Variants in LRP1B observed in about 807,000 individuals in gnomAD.
LRP1B encodes low-density lipoprotein receptor-related protein 1B.
In LRP1B, 217 loss-of-function variants were observed where a neutral mutation model predicts 556.6. The observed-to-expected ratio is 0.39, with a 90% CI of 0.35 to 0.44. The LOEUF (loss-of-function observed/expected upper bound fraction) is 0.44. Ranked by LOEUF, LRP1B falls within the 20% of genes least tolerant of loss-of-function variation. The pLI, the probability that LRP1B is intolerant of heterozygous loss-of-function variation, is 1.00. For synonymous variants in LRP1B, 2,047 were observed against 1,865.8 expected (o/e 1.10, Z -2.50); for missense variants, 5,053 against 5,620.8 (o/e 0.90, Z 3.23).
At chr2:141,094,666 T>A (rs1053694840) in intron 7 of LRP1B, among the ~76,000 whole-genome samples, 9 of 152,204 alleles carry the variant, frequency 5.9e-5, no homozygotes, top group Non-Finnish European at 1.2e-4. Flanking sequence ...CATTGCTAAA[T>A]TATGCATCAC....
intron 43 of LRP1B, among the ~76,000 whole-genome samples, chr2:140,561,339 G>GT (rs1368587032): frequency 6.6e-6 from 1 of 152,128 alleles, no homozygotes; most frequent in Non-Finnish European, 1.5e-5. Context: ...GCCTGGTTGA[G>GT]TTTTCTCACC....
chr2:141,797,146 CATATATATATATATATAT>C (rs6146945), intron 2 of LRP1B, among the ~76,000 whole-genome samples: 31 of 79,090 alleles, frequency 3.9e-4, no homozygotes, highest in Admixed American at 1.7e-3. Context: ...TGAAAATAAT[CATATATATATATATATAT>C]ATATATATAT....
intron 43 of LRP1B, among the ~76,000 whole-genome samples, chr2:140,574,457 G>T (rs1241835783): frequency 1.3e-5 from 2 of 152,052 alleles, no homozygotes; most frequent in African/African-American, 4.8e-5. Flanking sequence ...TTCTCCATTT[G>T]CTCAGGGAAA....
At chr2:141,335,326 A>T (rs1395183247) in intron 3 of LRP1B, among the ~76,000 whole-genome samples, 1 of 152,246 alleles carries the variant, frequency 6.6e-6, no homozygotes, top group African/African-American at 2.4e-5. Context: ...ACAGAAGTTC[A>T]TTAGGAAAGA....
rs138725634 is a variant in LRP1B at position 140,532,580 on chromosome 2, C to A, written c.7762+1441G>T. Among the ~76,000 whole-genome samples the A allele has an allele frequency of 7.2e-3, 1,098 of 151,526 alleles. 8 individuals carry two copies. The highest frequency in any genetic ancestry group is 0.035 in the East Asian group (176 of 5,100). On this transcript the variant is annotated intron_variant, in intron 47 of 90. Transcript: ENST00000389484. ...CCTGGCTAATTTTTGTATTTTTAGT[C>A]GAGATGGGGTTTCACCATGTTGACC...
rs1233220303 is a variant in LRP1B, at chr2:142,106,284, AAAGTT to A, written c.82+24359_82+24363del. On this transcript the variant is annotated intron_variant, in intron 1 of 90. Coordinates refer to ENST00000389484, the MANE Select transcript of LRP1B (RefSeq NM_018557.3). ...AATTGGATAATTTTTTAAAATCACA[AAAGTT>A]AAGTGACTTTGATTATTACTATTGT... is the stretch of plus-strand genomic sequence containing the variant. Among the ~76,000 whole-genome samples, 6 of 152,238 alleles carry A rather than the reference AAAGTT, an allele frequency of 3.9e-5. 1 individual carries two copies. The highest frequency in any genetic ancestry group is 8.8e-5 in the Non-Finnish European group (6 of 68,042).
At chr2:141,510,487 T>C (rs528431259) in intron 2 of LRP1B, among the ~76,000 whole-genome samples, 1 of 152,268 alleles carries the variant, frequency 6.6e-6, no homozygotes, top group East Asian at 1.9e-4. Flanking sequence ...ACAAATATTA[T>C]CGCACACCTT....
At chr2:141,516,768 G>A (rs1388516477) in intron 2 of LRP1B, among the ~76,000 whole-genome samples, 2 of 148,686 alleles carry the variant, frequency 1.3e-5, no homozygotes, top group Admixed American at 6.8e-5. Context: ...TGTGAACTAG[G>A]CTCACTGCAA....
chr2:141,027,568 C>G (rs1303296758), intron 11 of LRP1B, among the ~76,000 whole-genome samples: 2 of 152,100 alleles, frequency 1.3e-5, no homozygotes, highest in Non-Finnish European at 2.9e-5. Flanking sequence ...TAACTAAACT[C>G]ATTATGAAAA....
intron 43 of LRP1B, among the ~76,000 whole-genome samples, chr2:140,589,185 A>T (rs1390925702): frequency 2.6e-5 from 4 of 152,234 alleles, no homozygotes; most frequent in Non-Finnish European, 1.5e-5. Context: ...TGACAAAGAA[A>T]TATAAATTAA....
intron 2 of LRP1B, among the ~76,000 whole-genome samples, chr2:141,681,037 A>G (rs908406933): frequency 1.3e-5 from 2 of 152,132 alleles, no homozygotes; most frequent in Non-Finnish European, 2.9e-5. Context: ...TCATGCTTGT[A>G]ATTCAGCACT....
At chr2:141,460,335 C>G (rs2105040809) in intron 3 of LRP1B, among the ~76,000 whole-genome samples, 1 of 151,982 alleles carries the variant, frequency 6.6e-6, no homozygotes. Context: ...CAGTTCATGC[C>G]AAAAATGTAA....
chr2:141,088,106 T>C (rs1700090853), intron 7 of LRP1B, among the ~76,000 whole-genome samples: 1 of 152,144 alleles, frequency 6.6e-6, no homozygotes, highest in Non-Finnish European at 1.5e-5. Context: ...TGAACATGTT[T>C]ACATAGATGG....
chr2:140,458,276 T>G (rs373980434), intron 60 of LRP1B, among the ~76,000 whole-genome samples: 28 of 152,268 alleles, frequency 1.8e-4, no homozygotes, highest in Admixed American at 1.1e-3. Context: ...ATTATGCAAA[T>G]TTAATAGTCA....
chr2:140,663,600 C>T (rs920039001), intron 41 of LRP1B, among the ~76,000 whole-genome samples: 16 of 152,286 alleles, frequency 1.1e-4, no homozygotes, highest in African/African-American at 3.6e-4. Context: ...GAGTTAGGGC[C>T]TTTCCTGGAT....
intron 32 of LRP1B, among the ~76,000 whole-genome samples, chr2:140,785,351 CA>C (rs917046570): frequency 2.0e-5 from 3 of 151,974 alleles, no homozygotes; most frequent in Non-Finnish European, 4.4e-5. Context: ...GAGAGAGAGG[CA>C]AAAGAGAACC....
At chr2:141,430,253 T>C (rs1559066504) in intron 3 of LRP1B, among the ~76,000 whole-genome samples, 1 of 152,204 alleles carries the variant, frequency 6.6e-6, no homozygotes, top group Non-Finnish European at 1.5e-5. Flanking sequence ...AAGCAAAGCA[T>C]CTTAATGAAT....
intron 1 of LRP1B, among the ~76,000 whole-genome samples, chr2:141,946,857 G>A (rs1229904434): frequency 1.3e-5 from 2 of 152,006 alleles, no homozygotes; most frequent in African/African-American, 2.4e-5. Flanking sequence ...TGATAGGAAC[G>A]ATATTAGCGA....
At chr2:141,754,054 T>G (rs551707794) in intron 2 of LRP1B, among the ~76,000 whole-genome samples, 62 of 152,304 alleles carry the variant, frequency 4.1e-4, no homozygotes, top group African/African-American at 1.5e-3. Context: ...CCTGTACTAT[T>G]GAAAACATAG....
Sources: allele counts gnomAD v4.1 joint callset (sites outside exome capture counted in the v4.1 genomes callset), GRCh38; gene constraint gnomAD v4.1.1; transcripts MANE v1.5; gene names NCBI Gene and HGNC (gene_info 2026-07-23, HGNC 2026-07-21).